Variants in SORCS1 observed in about 807,000 individuals in gnomAD.
SORCS1 encodes the protein VPS10 domain-containing receptor SorCS1.
In SORCS1, 60 loss-of-function variants were observed where a neutral mutation model predicts 146.1. The ratio of observed to expected loss-of-function variants is 0.41; its 90% CI spans 0.33 to 0.51. The LOEUF (loss-of-function observed/expected upper bound fraction) is 0.51. Ranked by LOEUF, SORCS1 falls within the 20% of genes least tolerant of loss-of-function variation. The pLI is 0.21. For missense variants in SORCS1, 1,352 were observed against 1,487.6 expected (o/e 0.91, Z 1.50); for synonymous variants, 637 against 584.0 (o/e 1.09, Z -1.31).
At chr10:106,667,541 G>A (rs1185789985) in intron 17 of SORCS1, 148 bp downstream of exon 17, 1 of 572,128 alleles carries the variant, frequency 1.7e-6, no homozygotes, top group African/African-American at 1.9e-5. Flanking sequence ...GTGCAAAGTT[G>A]TGCTTCATTG....
intron 18 of SORCS1, among the ~76,000 whole-genome samples, chr10:106,651,805 T>A (rs1465385479): frequency 6.6e-6 from 1 of 152,208 alleles, no homozygotes; most frequent in Non-Finnish European, 1.5e-5. Flanking sequence ...TTATCCACCA[T>A]ATAAATTTCA....
intron 4 of SORCS1, among the ~76,000 whole-genome samples, chr10:106,770,571 G>A (rs896987335): frequency 6.6e-6 from 1 of 151,958 alleles, no homozygotes; most frequent in African/African-American, 2.4e-5. Flanking sequence ...AAAGAAGAAA[G>A]GACAACCACA....
In SORCS1 at chr10:106,849,658, C is replaced by T. The variant is rs917999412; in HGVS notation, c.627-19985G>A. ...CTGTGTTCCTTTGGAGGAGGATAGG[C>T]GCTCTGCGTTTTAGAGTTTCCAGTT... On this transcript the variant is annotated intron_variant, in intron 2 of 25. Coordinates refer to ENST00000263054, the MANE Select transcript of SORCS1 (RefSeq NM_052918.5). 3.5e-3 allele frequency among the ~76,000 whole-genome samples: 527 copies of T among 151,262 alleles called. 6 individuals carry two copies. Among genetic ancestry groups the T allele is most frequent in the African/African-American group, 0.012 (507 of 41,088 alleles).
chr10:107,094,764 C>A (rs6584796), intron 1 of SORCS1, among the ~76,000 whole-genome samples: 85,099 of 151,932 alleles, frequency 0.56, 24,922 homozygotes, highest in African/African-American at 0.69. Context: ...AGACCAAAAG[C>A]AAAAGTAGCA....
At chr10:106,725,271 C>T (rs964873385) in intron 6 of SORCS1, among the ~76,000 whole-genome samples, 1 of 152,154 alleles carries the variant, frequency 6.6e-6, no homozygotes, top group Non-Finnish European at 1.5e-5. Context: ...TGAATGGGGT[C>T]GGGCGCAGTG....
chr10:106,999,260 C>G (rs527503350), intron 1 of SORCS1, among the ~76,000 whole-genome samples: 2 of 152,120 alleles, frequency 1.3e-5, no homozygotes, highest in East Asian at 3.9e-4. Context: ...AACATACATA[C>G]ACACACACAG....
At chr10:107,174,542 G>A in the SORCS1 span, among the ~76,000 whole-genome samples, 3 of 151,776 alleles carry the variant, frequency 2.0e-5, no homozygotes, top group Admixed American at 1.3e-4. Context: ...AGTTACTTAA[G>A]GTATTTGGTG....
chr10:106,593,932 T>C (rs1845759237), intron 24 of SORCS1, among the ~76,000 whole-genome samples: 1 of 152,202 alleles, frequency 6.6e-6, no homozygotes, highest in Non-Finnish European at 1.5e-5. Context: ...CCGAAACTCC[T>C]AGTTATAGAA....
intron 3 of SORCS1, among the ~76,000 whole-genome samples, chr10:106,790,469 A>G (rs1946266722): frequency 6.6e-6 from 1 of 152,254 alleles, no homozygotes; most frequent in South Asian, 2.1e-4. Flanking sequence ...GTAAGAAAAC[A>G]GGAACTAAGG....
chr10:106,915,504 CCCT>C (rs886600628), intron 2 of SORCS1, among the ~76,000 whole-genome samples: 6 of 152,112 alleles, frequency 3.9e-5, no homozygotes, highest in Non-Finnish European at 8.8e-5. Context: ...CTGCCAACCT[CCCT>C]CCTCCTCCTC....
chr10:106,655,619 G>A (rs539623100), intron 17 of SORCS1, among the ~76,000 whole-genome samples: 5 of 152,158 alleles, frequency 3.3e-5, no homozygotes, highest in African/African-American at 9.6e-5. Flanking sequence ...TCCAAAGCAC[G>A]AATCCATCCC....
At chr10:106,850,264 C>G (rs1393385936) in intron 2 of SORCS1, among the ~76,000 whole-genome samples, 2 of 152,128 alleles carry the variant, frequency 1.3e-5, no homozygotes, top group Non-Finnish European at 2.9e-5. Flanking sequence ...ACCCTCCGAG[C>G]CAGGTGTGGG....
At chr10:106,904,294 GT>G (rs1438494341) in intron 2 of SORCS1, among the ~76,000 whole-genome samples, 3 of 152,108 alleles carry the variant, frequency 2.0e-5, no homozygotes, top group Non-Finnish European at 4.4e-5. Context: ...TTTACTTCGT[GT>G]TTTTTATGGT....
intron 1 of SORCS1, among the ~76,000 whole-genome samples, chr10:107,147,150 T>A (rs1181609497): frequency 4.6e-5 from 7 of 152,202 alleles, no homozygotes; most frequent in Non-Finnish European, 1.0e-4. Context: ...AAGTTTAACC[T>A]ACAATTCTTT....
chr10:107,097,236 T>G (rs970161721), intron 1 of SORCS1, among the ~76,000 whole-genome samples: 1 of 152,206 alleles, frequency 6.6e-6, no homozygotes, highest in East Asian at 1.9e-4. Context: ...TTTTAACAAG[T>G]GAATGAGAAA....
At chr10:106,588,718 G>A (rs527736746) in intron 24 of SORCS1, among the ~76,000 whole-genome samples, 15 of 151,744 alleles carry the variant, frequency 9.9e-5, no homozygotes, top group African/African-American at 3.6e-4. Context: ...AAAATTAGCC[G>A]GGCGTGGTGG....
At chr10:106,630,752 A>G (rs1218204328) in intron 18 of SORCS1, among the ~76,000 whole-genome samples, 1 of 152,182 alleles carries the variant, frequency 6.6e-6, no homozygotes, top group African/African-American at 2.4e-5. Context: ...AAGACCTACA[A>G]TTGTCCCTTT....
intron 25 of SORCS1, chr10:106,578,732 C>A (rs543321462): frequency 1.8e-6 from 2 of 1,100,594 alleles, no homozygotes; most frequent in African/African-American, 1.6e-5. Context: ...CCCTGCCCAG[C>A]CCTCTGGTCC....
intron 2 of SORCS1, among the ~76,000 whole-genome samples, chr10:106,852,161 A>G (rs891961662): frequency 1.3e-5 from 2 of 152,116 alleles, no homozygotes; most frequent in African/African-American, 4.8e-5. Context: ...TTCAATCTGT[A>G]TAACTTTTAT....
Sources: allele counts gnomAD v4.1 joint callset (sites outside exome capture counted in the v4.1 genomes callset), GRCh38; gene constraint gnomAD v4.1.1; transcripts MANE v1.5; gene names NCBI Gene and HGNC (gene_info 2026-07-23, HGNC 2026-07-21).